APLP2: variants seen among roughly 807,000 people sequenced by gnomAD.
The protein encoded by APLP2 is amyloid beta precursor like protein 2.
In APLP2, 53 loss-of-function variants were observed where a neutral mutation model predicts 89.9. That is an observed-to-expected ratio of 0.59 (90% CI 0.47 to 0.74). APLP2 has a LOEUF of 0.74. Ranked by LOEUF, APLP2 falls within the 30% of genes least tolerant of loss-of-function variation. The pLI is 0.00. For missense variants in APLP2, 973 were observed against 975.9 expected, an observed-to-expected ratio of 1.00 and a Z score of 0.04; for synonymous variants, 372 against 348.6, an observed-to-expected ratio of 1.07 and a Z score of -0.75.
At chr11:130,086,604 T>G in intron 1 of APLP2, among the ~76,000 whole-genome samples, 1 of 152,356 alleles carries the variant, frequency 6.6e-6, no homozygotes, top group African/African-American at 2.4e-5. Context: ...TATAATGTTA[T>G]GAAGCTTTTC....
intron 1 of APLP2, among the ~76,000 whole-genome samples, chr11:130,103,484 A>G (rs1443814999): frequency 6.6e-6 from 1 of 152,060 alleles, no homozygotes; most frequent in Admixed American, 6.6e-5. Context: ...TGGTATTTTA[A>G]GATTCTCTTT....
chr11:130,091,082 G>A (rs1174625750), intron 1 of APLP2, among the ~76,000 whole-genome samples: 6 of 145,766 alleles, frequency 4.1e-5, no homozygotes, highest in African/African-American at 7.7e-5. Flanking sequence ...CGGCTGGCCG[G>A]GCGGGGGGCT....
intron 7 of APLP2, among the ~76,000 whole-genome samples, chr11:130,124,721 A>C (rs770253132): frequency 6.6e-6 from 1 of 152,176 alleles, no homozygotes; most frequent in African/African-American, 2.4e-5. Context: ...AGATCTTTCA[A>C]ATCTTAATGT....
chr11:130,078,089 G>A (rs1400232319), intron 1 of APLP2, among the ~76,000 whole-genome samples: 2 of 151,798 alleles, frequency 1.3e-5, no homozygotes, highest in East Asian at 3.8e-4. Context: ...TGACTTTATG[G>A]TATCACTTTT....
chr11:130,069,924 A>G lies in APLP2; in HGVS notation c.-54A>G, dbSNP rs1430458134. ...CTTCTGGGTCGCGGTGTGCTAAGCGAGGAGTCCGAGTGTGTGAGCTTGAGA... is the reference window on the plus strand; with the variant it reads ...CTTCTGGGTCGCGGTGTGCTAAGCGGGGAGTCCGAGTGTGTGAGCTTGAGA... On this transcript the variant is annotated 5_prime_UTR_variant, in exon 1 of 17. Transcript: ENST00000338167. 4 of 1,333,746 alleles carry G rather than the reference A, an allele frequency of 3.0e-6. No homozygotes were observed. Among genetic ancestry groups the G allele is most frequent in the East Asian group, 2.9e-5 (1 of 33,948 alleles). 82.6% of individuals were successfully genotyped at this position (1,333,746 alleles called of 1,614,324 possible). A position where few individuals can be genotyped will look rare whatever the true frequency, so the allele number is the denominator to read the frequency against.
rs1235154284 is a variant in APLP2 at position 130,126,705 on chromosome 11, C to T, written c.1096C>T (p.Pro366Ser). The T allele has an allele frequency of 1.9e-6, 3 of 1,613,956 alleles. No homozygotes were observed. In the East Asian group the frequency reaches 6.7e-5, roughly 36 times the overall value. ...CMAVCKAMIP[P>S]TPLPTNDVDV... is the part of the protein sequence containing the mutation. The stretch of plus-strand genomic sequence containing the variant: ...CCTCTGTAATTTTGTTTCAGTTCCT[C>T]CAACTCCTCTGCCAACCAATGATGT... Residue 366 changes from proline (P) to serine (S), a missense_variant, in exon 8 of 17, where the codon CCA becomes TCA. Transcript: ENST00000338167.
chr11:130,088,276 C>T (rs2135490216), intron 1 of APLP2, among the ~76,000 whole-genome samples: 1 of 152,212 alleles, frequency 6.6e-6, no homozygotes, highest in East Asian at 1.9e-4. Context: ...GGGAAAAAAC[C>T]ATAAAATTTT....
At chr11:130,114,649 C>G (rs1213096495) in intron 3 of APLP2, among the ~76,000 whole-genome samples, 1 of 152,180 alleles carries the variant, frequency 6.6e-6, no homozygotes, top group Non-Finnish European at 1.5e-5. Context: ...TTTCCCTACT[C>G]CACTCCTGGA....
chr11:130,110,679 CT>C lies in APLP2; in HGVS notation c.403+22del. ...GTGTCTCGGTGAGTGTTCTTGGTTACTTTTCAGGAAGTGCCAGCCCCCTCCC... is the reference window on the plus strand; with the variant it reads ...GTGTCTCGGTGAGTGTTCTTGGTTACTTTCAGGAAGTGCCAGCCCCCTCCC... On this transcript the variant is annotated intron_variant, in intron 3 of 16. Coordinates refer to ENST00000338167, the MANE Select transcript of APLP2 (RefSeq NM_001142276.2). 1.3e-6 allele frequency: 2 copies of C among 1,594,368 alleles called. No individual in the cohort carries two copies.
chr11:130,141,308 A>G lies in APLP2; in HGVS notation c.1924-190A>G, dbSNP rs1423290262. ...GCTGCCATAATATAGTCTTCCCTCCATACCTGCCCCTTCATTAGGGGTTTG... is the reference window on the plus strand; with the variant it reads ...GCTGCCATAATATAGTCTTCCCTCCGTACCTGCCCCTTCATTAGGGGTTTG... On this transcript the variant is annotated intron_variant, in intron 14 of 16. Transcript: ENST00000338167. This position sits in a 1 kb window ranked among gnomAD's most constrained non-coding sequence, Gnocchi z 4.2. 3.3e-6 allele frequency: 2 copies of G among 599,268 alleles called. No individual in the cohort carries two copies. The highest frequency in any genetic ancestry group is 3.7e-5 in the African/African-American group (2 of 53,642). 37.1% of individuals were successfully genotyped at this position (599,268 alleles called of 1,614,324 possible).
At position 130,141,395 on chromosome 11, in the gene APLP2, G is replaced by C; in HGVS notation, c.1924-103G>C. Reference sequence around the variant, plus strand: ...GTTAATGGGGGTCCCACAGGTACCTGCTTCCTTCCATCAAGCAGCAGGTAG... The same window carrying C: ...GTTAATGGGGGTCCCACAGGTACCTCCTTCCTTCCATCAAGCAGCAGGTAG... On this transcript the variant is annotated intron_variant, in intron 14 of 16. Transcript: ENST00000338167. This position sits in a 1 kb window ranked among gnomAD's most constrained non-coding sequence, Gnocchi z 4.2. 1.0e-6 allele frequency: 1 copy of C among 954,974 alleles called. No individual in the cohort carries two copies. The highest frequency in any genetic ancestry group is 1.7e-6 in the Non-Finnish European group (1 of 605,088). The allele number at this position is 954,974 out of a possible 1,614,324, so 59.2% of individuals were successfully genotyped here.
intron 3 of APLP2, among the ~76,000 whole-genome samples, chr11:130,117,828 T>C (rs1033164814): frequency 1.3e-5 from 2 of 152,150 alleles, no homozygotes; most frequent in Admixed American, 1.3e-4. Context: ...ATCCCAACAC[T>C]TGGGGAGGCC....
chr11:130,113,925 T>A (rs1185970686), intron 3 of APLP2, among the ~76,000 whole-genome samples: 3 of 152,190 alleles, frequency 2.0e-5, no homozygotes, highest in Non-Finnish European at 2.9e-5. Context: ...AAAATCTTAT[T>A]CTCCCTTCCC....
At position 130,127,774 on chromosome 11, in the gene APLP2, G is replaced by C; in HGVS notation, c.1230G>C (p.Lys410Asn). The C allele has an allele frequency of 1.2e-6, 2 of 1,614,110 alleles. No homozygotes were observed. The highest frequency in any genetic ancestry group is 1.7e-6 in the Non-Finnish European group (2 of 1,179,974). ...RHRNRMDRVK[K>N]EWEEAELQAK... ...TTTGACCTTTGTTCTAGGTAAAGAAGGAATGGGAAGAGGCAGAGCTTCAAG... is the reference window on the plus strand; with the variant it reads ...TTTGACCTTTGTTCTAGGTAAAGAACGAATGGGAAGAGGCAGAGCTTCAAG... The change falls in exon 9 of 17, where the codon AAG becomes AAC. Residue 410 changes from lysine to asparagine, a missense_variant. Physicochemically the swap from Lys to Asn is moderately conservative, Grantham distance 94. Coordinates refer to ENST00000338167, the MANE Select transcript of APLP2 (RefSeq NM_001142276.2).
At chr11:130,095,904 T>C (rs1185386580) in intron 1 of APLP2, among the ~76,000 whole-genome samples, 1 of 151,088 alleles carries the variant, frequency 6.6e-6, no homozygotes, top group Non-Finnish European at 1.5e-5. Context: ...TGCTAGGGGC[T>C]GTTCCCAGAT....
intron 3 of APLP2, among the ~76,000 whole-genome samples, chr11:130,114,655 C>T (rs543747259): frequency 6.6e-6 from 1 of 152,286 alleles, no homozygotes; most frequent in East Asian, 1.9e-4. Flanking sequence ...TACTCCACTC[C>T]TGGAGTCTGT....
At chr11:130,095,321 A>G (rs912898023) in intron 1 of APLP2, among the ~76,000 whole-genome samples, 4 of 152,206 alleles carry the variant, frequency 2.6e-5, no homozygotes, top group Non-Finnish European at 2.9e-5. Flanking sequence ...GCAGTGACCT[A>G]TCATTGCACC....
At chr11:130,091,808 G>A (rs1271651112) in intron 1 of APLP2, among the ~76,000 whole-genome samples, 26 of 149,726 alleles carry the variant, frequency 1.7e-4, no homozygotes, top group African/African-American at 5.8e-4. Context: ...GCGGCTGGTC[G>A]GGCGGGGGGC....
At chr11:130,083,021 C>CTTTTTTTTTTT (rs1469566240) in intron 1 of APLP2, among the ~76,000 whole-genome samples, 4 of 79,976 alleles carry the variant, frequency 5.0e-5, no homozygotes, top group East Asian at 5.0e-4. Flanking sequence ...TGAAACTTTT[C>CTTTTTTTTTTT]TTTTCTTTTT....
Sources: allele counts gnomAD v4.1 joint callset (sites outside exome capture counted in the v4.1 genomes callset), GRCh38; gene constraint gnomAD v4.1.1; non-coding constraint Gnocchi (gnomAD v3.1); transcripts MANE v1.5; gene names NCBI Gene and HGNC (gene_info 2026-07-23, HGNC 2026-07-21).